The following DST variants were observed in gnomAD, a reference collection of about 807,000 sequenced individuals.
The protein encoded by DST is dystonin, also known as bullous pemphigoid antigen.
In DST, 253 loss-of-function variants were observed where a neutral mutation model predicts 875.2. The ratio of observed to expected loss-of-function variants is 0.29; its 90% confidence interval spans 0.26 to 0.32. The LOEUF (loss-of-function observed/expected upper bound fraction) is 0.32. Ranked by LOEUF, DST falls within the 10% of genes least tolerant of loss-of-function variation. The probability of loss-of-function intolerance (pLI) is 1.00; values close to 1 mark genes in which losing one functional copy is unlikely to be tolerated. For synonymous variants in DST, 3,124 were observed against 3,197.1 expected (o/e 0.98, Z 0.77); for missense variants, 8,287 against 9,111.6 (o/e 0.91, Z 3.68).
intron 3 of DST, among the ~76,000 whole-genome samples, chr6:56,898,009 G>A (rs1792291508): frequency 6.6e-6 from 1 of 152,144 alleles, no homozygotes; most frequent in Admixed American, 6.5e-5. Flanking sequence ...ATAGGCTGAT[G>A]AAGCACCTTA....
At chr6:56,851,298 C>T (rs1765101114) in intron 4 of DST, 99 bp downstream of exon 4, 3 of 1,091,812 alleles carry the variant, frequency 2.7e-6, no homozygotes, top group Admixed American at 4.5e-5. Context: ...CAGATTCCTG[C>T]CCAGTGCATC....
chr6:56,849,028 G>T (rs1218221591), intron 4 of DST, among the ~76,000 whole-genome samples: 2 of 151,612 alleles, frequency 1.3e-5, no homozygotes, highest in Non-Finnish European at 2.9e-5. Flanking sequence ...GACAGAGAGA[G>T]AATCTGTCTC....
chr6:56,748,513 T>C (rs1563990244), intron 4 of DST, among the ~76,000 whole-genome samples: 1 of 152,208 alleles, frequency 6.6e-6, no homozygotes, highest in African/African-American at 2.4e-5. Flanking sequence ...TAATAGAGTA[T>C]AATTAAGATT....
At chr6:56,715,403 T>G (rs2099391310) in intron 5 of DST, among the ~76,000 whole-genome samples, 2 of 152,194 alleles carry the variant, frequency 1.3e-5, no homozygotes, top group Admixed American at 6.5e-5. Context: ...GAGCACAGAA[T>G]GACACCTCCA....
At chr6:56,838,297 A>C (rs2099796041) in intron 4 of DST, among the ~76,000 whole-genome samples, 1 of 152,140 alleles carries the variant, frequency 6.6e-6, no homozygotes, top group South Asian at 2.1e-4. Flanking sequence ...TCTTGTTATC[A>C]CCTCTATAGC....
chr6:56,613,987 C>T (rs2098583027), intron 37 of DST, among the ~76,000 whole-genome samples: 1 of 152,084 alleles, frequency 6.6e-6, no homozygotes, highest in Admixed American at 6.6e-5. Context: ...AATAAGACGG[C>T]ATATCTTTAT....
chr6:56,715,626 T>C (rs916117857), intron 5 of DST, among the ~76,000 whole-genome samples: 4 of 152,116 alleles, frequency 2.6e-5, no homozygotes, highest in East Asian at 1.9e-4. Flanking sequence ...TTACATCAAA[T>C]AGCCAGGAAA....
intron 5 of DST, among the ~76,000 whole-genome samples, chr6:56,723,727 AT>A (rs2099430705): frequency 6.6e-6 from 1 of 152,248 alleles, no homozygotes; most frequent in African/African-American, 2.4e-5. Context: ...CCAAAGGGAG[AT>A]TAATAGATAC....
chr6:56,476,743 T>A (rs1471971514), intron 91 of DST, among the ~76,000 whole-genome samples: 1 of 151,856 alleles, frequency 6.6e-6, no homozygotes, highest in South Asian at 2.1e-4. Context: ...GATCACGAGG[T>A]CAGTTCAAGA....
intron 92 of DST, 127 bp from the exon 93 acceptor site, chr6:56,474,129 T>C: frequency 1.2e-6 from 1 of 804,452 alleles, no homozygotes; most frequent in Non-Finnish European, 1.9e-6. Context: ...ATCATATGCT[T>C]TATCTTTAGG....
intron 4 of DST, among the ~76,000 whole-genome samples, chr6:56,736,172 G>C (rs529054128): frequency 6.6e-6 from 1 of 152,112 alleles, no homozygotes; most frequent in African/African-American, 2.4e-5. Context: ...TTACAGACGT[G>C]AGCCACCATG....
At chr6:56,699,842 A>C in intron 8 of DST, 97 bp from the exon 9 acceptor site, 1 of 542,288 alleles carries the variant, frequency 1.8e-6, no homozygotes. Context: ...TTATACAAAG[A>C]AAAAATGGAA....
intron 4 of DST, among the ~76,000 whole-genome samples, chr6:56,824,151 G>A (rs1258594164): frequency 6.6e-5 from 10 of 152,076 alleles, no homozygotes; most frequent in Non-Finnish European, 1.5e-5. Flanking sequence ...TGCGATTGCA[G>A]GCGCGCGCCG....
chr6:56,720,679 A>G (rs2099411380), intron 5 of DST, among the ~76,000 whole-genome samples: 3 of 152,192 alleles, frequency 2.0e-5, no homozygotes, highest in African/African-American at 7.2e-5. Flanking sequence ...GGGTAAGGTC[A>G]CAGATCAACA....
Position 56,654,755 on chromosome 6 carries a change from T to C in DST, c.1215-3511A>G, listed in dbSNP as rs1587874884. On this transcript the variant is annotated intron_variant, in intron 10 of 103. Transcript: ENST00000680361. ...AATTGCATGAGAGATTTTTTTGGCA[T>C]AGATACCTCCAAGGTAACATTTCAG... Among the ~76,000 whole-genome samples the C allele has an allele frequency of 3.9e-5, 6 of 152,210 alleles. 1 individual carries two copies. Among genetic ancestry groups the C allele is most frequent in the Admixed American group, 3.9e-4 (6 of 15,292 alleles).
intron 78 of DST, among the ~76,000 whole-genome samples, chr6:56,503,681 AGGTGATCTCTAGGTATATAACATTTTG>A (rs1354346873): frequency 6.1e-4 from 93 of 151,824 alleles, no homozygotes; most frequent in African/African-American, 2.2e-3. Context: ...AATCTAAGAA[AGGTGATCTCTAGGTATATAACATTTTG>A]GGTGACTTGA....
rs375524719 is a variant in DST, at chr6:56,553,492, A to T, written c.15300T>A (p.His5100Gln). ...LDVLESLIKD[H>Q]KDFSKTLTAQ... ...CGGTCAAAGTTTTACTAAAGTCTTT[A>T]TGATCTTTAATTAATGACTCCAAGA... is the stretch of plus-strand genomic sequence containing the variant. Residue 5100 changes from histidine to glutamine, a missense_variant, in exon 61 of 104, where the codon CAT (histidine) becomes CAA (glutamine). By Grantham distance (24) the His-to-Gln change is conservative (BLOSUM62 0). Coordinates refer to ENST00000680361, the MANE Select transcript of DST (RefSeq NM_001374736.1). 19 of 1,613,706 alleles carry T rather than the reference A, an allele frequency of 1.2e-5. No homozygotes were observed. The highest frequency in any genetic ancestry group is 6.7e-5 in the East Asian group (3 of 44,878).
chr6:56,905,884 G>C (rs1796184665), intron 2 of DST, among the ~76,000 whole-genome samples: 1 of 152,066 alleles, frequency 6.6e-6, no homozygotes, highest in Non-Finnish European at 1.5e-5. Flanking sequence ...CCTGACCTCA[G>C]GTGATCCACC....
At chr6:56,763,274 C>G (rs1435272042) in intron 4 of DST, among the ~76,000 whole-genome samples, 2 of 152,182 alleles carry the variant, frequency 1.3e-5, no homozygotes, top group Non-Finnish European at 2.9e-5. Flanking sequence ...TTAATTCATG[C>G]CTTCTCTTCC....
Sources: allele counts gnomAD v4.1 joint callset (sites outside exome capture counted in the v4.1 genomes callset), GRCh38; gene constraint gnomAD v4.1.1; transcripts MANE v1.5; gene names NCBI Gene and HGNC (gene_info 2026-07-23, HGNC 2026-07-21).